ANGPTL1: variants seen among roughly 807,000 people sequenced by gnomAD.
The protein encoded by ANGPTL1 is angiopoietin like 1.
A neutral mutation model predicts 46.7 loss-of-function variants in ANGPTL1; 36 were observed. The ratio of observed to expected loss-of-function variants is 0.77; its 90% CI spans 0.59 to 1.02. The LOEUF (loss-of-function observed/expected upper bound fraction) is 1.02, where lower values mean the gene tolerates loss of function less well. Among genes scored for constraint, ANGPTL1 ranks in the 50% least tolerant of loss-of-function variants. ANGPTL1 has a pLI of 0.00. For missense variants in ANGPTL1, 571 were observed against 594.7 expected (o/e 0.96, Z 0.41); for synonymous variants, 221 against 204.3 (o/e 1.08, Z -0.69).
Position 178,851,188 on chromosome 1 carries a change from A to G in ANGPTL1, c.1417T>C (p.Tyr473His), listed in dbSNP as rs2102290779. The change falls in exon 6 of 6, where the codon TAC becomes CAC. Residue 473 changes from tyrosine to histidine, a missense_variant. By Grantham distance (83) the Tyr-to-His change is moderately conservative. Transcript: ENST00000234816. Reference sequence around the variant, plus strand: ...CTTAAGGAGTATGACCCGCCTCTGTATTCGGCCCAGAAAATTCCATCTTGG... The same window carrying G: ...CTTAAGGAGTATGACCCGCCTCTGTGTTCGGCCCAGAAAATTCCATCTTGG... ...KHQDGIFWAE[Y>H]RGGSYSLRAV... 1.9e-6 allele frequency: 3 copies of G among 1,614,024 alleles called. No individual in the cohort carries two copies. Among genetic ancestry groups the G allele is most frequent in the East Asian group, 2.2e-5 (1 of 44,872 alleles).
chr1:178,865,705 T>A lies in ANGPTL1; in HGVS notation c.72A>T (p.Gly24=). The A allele has an allele frequency of 6.2e-7, 1 of 1,613,894 alleles. No homozygotes were observed. Among genetic ancestry groups the A allele is most frequent in the Non-Finnish European group, 8.5e-7 (1 of 1,179,946 alleles). ...GGTTTATTTTTTTAATTTTGAATTG[T>A]CCACCTCTGCAATGTCCAGTGTCCA... is the stretch of plus-strand genomic sequence containing the variant. ...LLVDTGHCRG[G]QFKIKKINQR... is the part of the protein sequence containing the mutation. The change falls in exon 3 of 6, where the codon GGA becomes GGT. Residue 24 remains glycine, a synonymous_variant. Coordinates refer to ENST00000234816, the MANE Select transcript of ANGPTL1 (RefSeq NM_004673.4).
intron 3 of ANGPTL1, among the ~76,000 whole-genome samples, chr1:178,863,171 C>G (rs921715798): frequency 1.3e-5 from 2 of 152,080 alleles, no homozygotes; most frequent in East Asian, 3.8e-4. Context: ...AGTTCTGGCT[C>G]TGAATAGAAA....
At chr1:178,857,437 T>TG (rs915011747) in intron 3 of ANGPTL1, among the ~76,000 whole-genome samples, 5 of 151,990 alleles carry the variant, frequency 3.3e-5, no homozygotes, top group East Asian at 1.9e-4. Flanking sequence ...TAGAGTCAAG[T>TG]GGGGGGTGGG....
intron 3 of ANGPTL1, among the ~76,000 whole-genome samples, chr1:178,864,704 T>A (rs1024521540): frequency 6.6e-6 from 1 of 152,092 alleles, no homozygotes; most frequent in Non-Finnish European, 1.5e-5. Flanking sequence ...AGCCCCTCGA[T>A]CATAAGAATT....
intron 1 of ANGPTL1, 37 bp downstream of exon 1, chr1:178,870,704 A>G (rs1425799626): frequency 1.3e-5 from 2 of 152,212 alleles, no homozygotes; most frequent in South Asian, 2.1e-4. Flanking sequence ...TGCATTTGCT[A>G]TACATAATAT....
At chr1:178,857,182 C>A (rs1035727545) in intron 3 of ANGPTL1, among the ~76,000 whole-genome samples, 3 of 152,078 alleles carry the variant, frequency 2.0e-5, no homozygotes, top group Non-Finnish European at 2.9e-5. Flanking sequence ...TAGATTATTG[C>A]GTGTAATGCA....
chr1:178,865,507 A>C lies in ANGPTL1; in HGVS notation c.270T>G (p.Asp90Glu). Residue 90 changes from aspartate to glutamate, a missense_variant, in exon 3 of 6, where the codon GAT becomes GAG. Coordinates refer to ENST00000234816, the MANE Select transcript of ANGPTL1 (RefSeq NM_004673.4). Reference sequence around the variant, plus strand: ...TCTCCCGCTTCTGCCTGGAGAGCACATCCTTCAGGTTTTCAAGGTCCATCC... The same window carrying C: ...TCTCCCGCTTCTGCCTGGAGAGCACCTCCTTCAGGTTTTCAAGGTCCATCC... ...ITRMDLENLK[D>E]VLSRQKREID... 6.2e-7 allele frequency: 1 copy of C among 1,614,002 alleles called. No individual in the cohort carries two copies. Among genetic ancestry groups the C allele is most frequent in the African/African-American group, 1.3e-5 (1 of 75,018 alleles).
At chr1:178,867,860 C>T (rs1011162164) in intron 2 of ANGPTL1, among the ~76,000 whole-genome samples, 7 of 151,888 alleles carry the variant, frequency 4.6e-5, no homozygotes, top group African/African-American at 1.7e-4. Flanking sequence ...AACTCTTATG[C>T]TGTCGTCATG....
At chr1:178,856,194 G>GATTATATATATATATAT (rs776840814) in intron 3 of ANGPTL1, among the ~76,000 whole-genome samples, 2 of 99,198 alleles carry the variant, frequency 2.0e-5, no homozygotes, top group African/African-American at 1.1e-4. Context: ...CTTTTCCAGA[G>GATTATATATATATATAT]AGAGAGAGAT....
intron 3 of ANGPTL1, among the ~76,000 whole-genome samples, chr1:178,860,986 G>A (rs1485717537): frequency 6.6e-6 from 1 of 152,058 alleles, no homozygotes; most frequent in Non-Finnish European, 1.5e-5. Context: ...GTTGTTGCTT[G>A]TAGTAATTTA....
At position 178,851,276 on chromosome 1, in the gene ANGPTL1, A is replaced by T. The variant is rs148863716; in HGVS notation, c.1329T>A (p.Asn443Lys). ...CATTTAGGTTAGAATGTGCACAGGC[A>T]TTGTACCACCAGCCTCCTTTATGAA... ...AHFHKGGWWY[N>K]ACAHSNLNGV... Residue 443 changes from asparagine to lysine, a missense_variant, in exon 6 of 6, where the codon AAT becomes AAA. Coordinates refer to ENST00000234816, the MANE Select transcript of ANGPTL1 (RefSeq NM_004673.4). 1 of 1,613,372 alleles carries T rather than the reference A, an allele frequency of 6.2e-7. No homozygotes were observed. The highest frequency in any genetic ancestry group is 8.5e-7 in the Non-Finnish European group (1 of 1,179,730).
At chr1:178,864,892 T>C in intron 3 of ANGPTL1, 62 bp downstream of exon 3, 1 of 1,147,450 alleles carries the variant, frequency 8.7e-7, no homozygotes, top group Non-Finnish European at 1.2e-6. Flanking sequence ...ATGAGCATTG[T>C]TTCATAAGGC....
rs534357976 is a variant in ANGPTL1 at position 178,862,159 on chromosome 1, C to T, written c.823+2795G>A. Among the ~76,000 whole-genome samples the T allele has an allele frequency of 3.9e-5, 6 of 152,210 alleles. No individual in the cohort carries two copies. The South Asian group carries it at 1.0e-3, about 26-fold the overall frequency. On this transcript the variant is annotated intron_variant, in intron 3 of 5. Coordinates refer to ENST00000234816, the MANE Select transcript of ANGPTL1 (RefSeq NM_004673.4). ...AAGTGTTGAGATTACAGGCATGAGC[C>T]ACCATGCCCGGCGAGGATATTAATA...
Position 178,861,569 on chromosome 1 carries a change from T to G in ANGPTL1, c.823+3385A>C, listed in dbSNP as rs149592006. 3.8e-3 allele frequency among the ~76,000 whole-genome samples: 571 copies of G among 152,258 alleles called. 4 individuals are homozygous for G. The highest frequency in any genetic ancestry group is 0.011 in the African/African-American group (453 of 41,552). On this transcript the variant is annotated intron_variant, in intron 3 of 5. Transcript: ENST00000234816. ...GTTTAAAAATGTGAATAGTGATTTC[T>G]GCTAGAATTGGTTATACCATCCACT...
Position 178,853,038 on chromosome 1 carries a change from G to A in ANGPTL1, c.1018-85C>T, listed in dbSNP as rs183816858. 4.9e-3 allele frequency: 7,347 copies of A among 1,495,790 alleles called. 31 individuals carry two copies. The highest frequency in any genetic ancestry group is 5.0e-3 in the Non-Finnish European group (5,674 of 1,125,364). 92.7% of individuals were successfully genotyped at this position (1,495,790 alleles called of 1,614,324 possible). ...ACAGAGCAGTGTTAAACATTCGATA[G>A]CATAAAGATACTGGCCATTTAAGTG... On this transcript the variant is annotated intron_variant, in intron 4 of 5. Coordinates refer to ENST00000234816, the MANE Select transcript of ANGPTL1 (RefSeq NM_004673.4).
chr1:178,856,200 GAGATATATATATATATATATAT>G (rs1657541493), intron 3 of ANGPTL1, among the ~76,000 whole-genome samples: 4 of 40,940 alleles, frequency 9.8e-5, no homozygotes, highest in Admixed American at 5.4e-4. Context: ...CAGAGAGAGA[GAGATATATATATATATATATAT>G]ATATATATAT....
At position 178,865,057 on chromosome 1, in the gene ANGPTL1, C is replaced by G. The variant is rs146461089; in HGVS notation, c.720G>C (p.Gln240His). 2 of 1,514,548 alleles carry G rather than the reference C, an allele frequency of 1.3e-6. No individual in the cohort carries two copies. Among genetic ancestry groups the G allele is most frequent in the Non-Finnish European group, 8.8e-7 (1 of 1,131,766 alleles). The allele number at this position is 1,514,548 out of a possible 1,614,324, so 93.8% of individuals were successfully genotyped here. The change falls in exon 3 of 6, where the codon CAG (glutamine) becomes CAC (histidine). Residue 240 changes from glutamine (Q) to histidine (H), a missense_variant. By Grantham distance (24) the Gln-to-His change is conservative. Transcript: ENST00000234816. Reference sequence around the variant, plus strand: ...AATCTCTGGGATAACCTGGATCCCTCTGAATCTCGTTACCTCCCAGCAGAC... The same window carrying G: ...AATCTCTGGGATAACCTGGATCCCTGTGAATCTCGTTACCTCCCAGCAGAC... The part of the protein sequence containing the change: ...TPGLLGGNEI[Q>H]RDPGYPRDLM...
At position 178,851,054 on chromosome 1, in the gene ANGPTL1, T is replaced by C. The variant is rs1349695374; in HGVS notation, c.*75A>G. The C allele has an allele frequency of 3.6e-6, 5 of 1,381,896 alleles. No homozygotes were observed. The South Asian group carries it at 4.7e-5, about 13-fold the overall frequency. 85.6% of individuals were successfully genotyped at this position (1,381,896 alleles called of 1,614,324 possible). Reference sequence around the variant, plus strand: ...TAGAAATAAATTGTGCCAAGTAATATACATGTAACATTTACATTTTTAAGA... The same window carrying C: ...TAGAAATAAATTGTGCCAAGTAATACACATGTAACATTTACATTTTTAAGA... On this transcript the variant is annotated 3_prime_UTR_variant, in exon 6 of 6. Coordinates refer to ENST00000234816, the MANE Select transcript of ANGPTL1 (RefSeq NM_004673.4).
Position 178,850,995 on chromosome 1 carries a change from G to C in ANGPTL1, c.*134C>G. 1.2e-6 allele frequency: 1 copy of C among 814,732 alleles called. No homozygotes were observed. Among genetic ancestry groups the C allele is most frequent in the Non-Finnish European group, 1.8e-6 (1 of 569,060 alleles). 50.5% of individuals were successfully genotyped at this position (814,732 alleles called of 1,614,324 possible). Reference sequence around the variant, plus strand: ...CTACATTTATAGGTTCCCTTTTATAGTTACGGTAAAATTCATTTTAAAAAC... The same window carrying C: ...CTACATTTATAGGTTCCCTTTTATACTTACGGTAAAATTCATTTTAAAAAC... On this transcript the variant is annotated 3_prime_UTR_variant, in exon 6 of 6. Coordinates refer to ENST00000234816, the MANE Select transcript of ANGPTL1 (RefSeq NM_004673.4).
Sources: allele counts gnomAD v4.1 joint callset (sites outside exome capture counted in the v4.1 genomes callset), GRCh38; gene constraint gnomAD v4.1.1; transcripts MANE v1.5; gene names NCBI Gene and HGNC (gene_info 2026-07-23, HGNC 2026-07-21).